PPP1R1C: variants seen among roughly 807,000 people sequenced by gnomAD.
The protein encoded by PPP1R1C is protein phosphatase 1 regulatory subunit 1C.
In PPP1R1C, 15 loss-of-function variants were observed where a neutral mutation model predicts 17.4. The observed-to-expected ratio is 0.86, with a 90% confidence interval of 0.58 to 1.33. PPP1R1C has a LOEUF of 1.33. Ranked by LOEUF, PPP1R1C falls within the 40% of genes most tolerant of loss-of-function variation. The pLI, the probability that PPP1R1C is intolerant of heterozygous loss-of-function variation, is 0.00. For missense variants in PPP1R1C, 143 were observed against 130.0 expected (o/e 1.10, Z -0.48); for synonymous variants, 35 against 43.1 (o/e 0.81, Z 0.73).
chr2:182,002,807 A>G (rs1286608456), intron 2 of PPP1R1C, among the ~76,000 whole-genome samples: 1 of 151,988 alleles, frequency 6.6e-6, no homozygotes, highest in African/African-American at 2.4e-5. Flanking sequence ...AACATTTGAG[A>G]GCAGAAAGAT....
chr2:182,000,971 G>A (rs970996722), intron 2 of PPP1R1C, among the ~76,000 whole-genome samples: 1 of 152,174 alleles, frequency 6.6e-6, no homozygotes, highest in Admixed American at 6.5e-5. Context: ...AACCCTCACT[G>A]TGGAAGGAAA....
In PPP1R1C at chr2:181,998,370, G is replaced by T. The variant is rs1389202929; in HGVS notation, c.142+10471G>T. Among the ~76,000 whole-genome samples, 5 of 152,270 alleles carry T rather than the reference G, an allele frequency of 3.3e-5. No individual in the cohort carries two copies. The East Asian group carries it at 9.6e-4, about 29-fold the overall frequency. ...CTATGGCAGCTTTACTTTCATAATTGATTTGTCATAAGCTCTAATTTGTAT... is the reference window on the plus strand; with the variant it reads ...CTATGGCAGCTTTACTTTCATAATTTATTTGTCATAAGCTCTAATTTGTAT... On this transcript the variant is annotated intron_variant, in intron 2 of 4. Coordinates refer to ENST00000682840, the MANE Select transcript of PPP1R1C (RefSeq NM_001080545.3).
Position 182,101,714 on chromosome 2 carries a change from G to C in PPP1R1C, c.242-15493G>C, listed in dbSNP as rs140757387. ...TGTACGTGTGCATATATGTGTGCTG[G>C]GAGCCAGGTGGACTGCCTTTTAAAT... is the stretch of plus-strand genomic sequence containing the variant. On this transcript the variant is annotated intron_variant, in intron 4 of 4. Transcript: ENST00000682840. Among the ~76,000 whole-genome samples the C allele has an allele frequency of 8.3e-4, 126 of 152,286 alleles. No individual in the cohort carries two copies. In the East Asian group the frequency reaches 0.023, roughly 28 times the overall value.
exon 6 of PPP1R1C, chr2:182,129,230 G>A (rs533360860): frequency 1.6e-4 from 25 of 152,096 alleles, no homozygotes; most frequent in Middle Eastern, 3.4e-3. Context: ...CCTTCCCTTT[G>A]GTTTTAGTTT....
chr2:181,980,772 A>G (rs1238806363), intron 2 of PPP1R1C, among the ~76,000 whole-genome samples: 2 of 152,030 alleles, frequency 1.3e-5, no homozygotes, highest in Admixed American at 1.3e-4. Flanking sequence ...ATGGTTAGAG[A>G]AAAAAAATAC....
intron 2 of PPP1R1C, among the ~76,000 whole-genome samples, chr2:182,014,233 C>T (rs986847114): frequency 2.6e-5 from 4 of 152,178 alleles, no homozygotes; most frequent in African/African-American, 4.8e-5. Context: ...TACCTGGTCA[C>T]TGTAGCTGTA....
At chr2:181,964,630 G>T (rs1257734266) in intron 1 of PPP1R1C, among the ~76,000 whole-genome samples, 2 of 152,068 alleles carry the variant, frequency 1.3e-5, no homozygotes, top group Non-Finnish European at 2.9e-5. Flanking sequence ...AATAGGATTT[G>T]TTATTATCTG....
rs1272129064 is a variant in PPP1R1C, at chr2:181,957,520, G to A, written n.111+2886G>A. ...CCCTTTAACTTACTGAATCATAACA[G>A]ACATTCATTCCATTGTTTATACGTA... is the stretch of plus-strand genomic sequence containing the variant. On this transcript the variant is annotated intron_variant and non_coding_transcript_variant, in intron 1 of 5. Transcript: ENST00000464264. The surrounding 1 kb of genome is among the most constrained non-coding windows in gnomAD (Gnocchi z 4.2). Among the ~76,000 whole-genome samples the A allele has an allele frequency of 6.6e-6, 1 of 152,094 alleles. No individual in the cohort carries two copies. The highest frequency in any genetic ancestry group is 1.5e-5 in the Non-Finnish European group (1 of 68,016).
At position 181,976,516 on chromosome 2, in the gene PPP1R1C, A is replaced by G. The variant is rs1685093512; in HGVS notation, n.157+1252A>G. 6.6e-6 allele frequency among the ~76,000 whole-genome samples: 1 copy of G among 152,190 alleles called. No homozygotes were observed. The highest frequency in any genetic ancestry group is 2.4e-5 in the African/African-American group (1 of 41,462). On this transcript the variant is annotated intron_variant and non_coding_transcript_variant, in intron 2 of 5. Coordinates refer to the PPP1R1C transcript ENST00000464264. The surrounding 1 kb of genome is among the most constrained non-coding windows in gnomAD (Gnocchi z 4.8). ...ATCGTTGAGTAAGAGGATCATACCT[A>G]TAATCTCCTACAAAGGCTACTGGCC...
chr2:182,082,223 C>A (rs13395225), intron 4 of PPP1R1C, among the ~76,000 whole-genome samples: 34,469 of 152,010 alleles, frequency 0.23, 4,221 homozygotes, highest in African/African-American at 0.32. Context: ...CATAAAGCAA[C>A]AGATGAATGC....
In PPP1R1C at chr2:182,076,181, C is replaced by CTTTTTTT. The variant is rs1319925818; in HGVS notation, c.241+12394_241+12400dup. On this transcript the variant is annotated intron_variant, in intron 4 of 4. Coordinates refer to ENST00000682840, the MANE Select transcript of PPP1R1C (RefSeq NM_001080545.3). ...TTATCTATAAATCAAGGATTTTGAA[C>CTTTTTTT]TTTTTTTTTTCTTTTCTTTTTTTTT... Among the ~76,000 whole-genome samples, 6 of 47,484 alleles carry CTTTTTTT rather than the reference C, an allele frequency of 1.3e-4. 1 individual carries two copies. Among genetic ancestry groups the CTTTTTTT allele is most frequent in the African/African-American group, 5.2e-4 (6 of 11,568 alleles). The allele number at this position is 47,484 out of a possible 152,430, so 31.2% of individuals were successfully genotyped here.
chr2:182,087,511 T>A lies in PPP1R1C; in HGVS notation c.241+23720T>A, dbSNP rs1385715946. Among the ~76,000 whole-genome samples the A allele has an allele frequency of 2.0e-5, 3 of 152,236 alleles. No homozygotes were observed. The East Asian group carries it at 5.8e-4, about 29-fold the overall frequency. On this transcript the variant is annotated intron_variant, in intron 4 of 4. Coordinates refer to ENST00000682840, the MANE Select transcript of PPP1R1C (RefSeq NM_001080545.3). ...ACATATGATGCTTAATATCTGGACT[T>A]TCCCACTAAAAATAAACTCCATAAG...
chr2:182,095,962 A>T (rs779430926), intron 4 of PPP1R1C, among the ~76,000 whole-genome samples: 21 of 151,550 alleles, frequency 1.4e-4, no homozygotes, highest in Non-Finnish European at 2.5e-4. Flanking sequence ...GCAACAGAGC[A>T]GGACTCTGTC....
At chr2:182,077,474 G>T (rs1376449559) in intron 4 of PPP1R1C, among the ~76,000 whole-genome samples, 1 of 152,068 alleles carries the variant, frequency 6.6e-6, no homozygotes, top group Non-Finnish European at 1.5e-5. Flanking sequence ...TTACTTATAA[G>T]GCCAAACCAA....
At chr2:181,958,672 A>G (rs1453252745) in intron 1 of PPP1R1C, among the ~76,000 whole-genome samples, 1 of 152,202 alleles carries the variant, frequency 6.6e-6, no homozygotes, top group East Asian at 1.9e-4. Flanking sequence ...TGAAAAGGTA[A>G]TCAGTACTCT....
chr2:182,060,991 A>G (rs1687833012), intron 2 of PPP1R1C, among the ~76,000 whole-genome samples: 1 of 152,132 alleles, frequency 6.6e-6, no homozygotes, highest in Non-Finnish European at 1.5e-5. Flanking sequence ...TATAGAGAGG[A>G]TACTGCCTTC....
chr2:182,130,603 T>G (rs1689985875), downstream of PPP1R1C: 1 of 152,216 alleles, frequency 6.6e-6, no homozygotes, highest in South Asian at 2.1e-4. Flanking sequence ...TTCTTTATTG[T>G]TTACAGATAC....
At chr2:182,063,224 T>C (rs1687896033) in intron 3 of PPP1R1C, among the ~76,000 whole-genome samples, 1 of 152,010 alleles carries the variant, frequency 6.6e-6, no homozygotes, top group South Asian at 2.1e-4. Context: ...CTCAACATTA[T>C]AATTCCAAGT....
intron 2 of PPP1R1C, among the ~76,000 whole-genome samples, chr2:182,035,385 G>T (rs1574398703): frequency 6.6e-6 from 1 of 152,232 alleles, no homozygotes; most frequent in South Asian, 2.1e-4. Context: ...AACAAATCAT[G>T]TAAGTGCCTT....
Sources: gnomAD v4.1 joint callset for allele counts (sites outside exome capture counted in the v4.1 genomes callset) on GRCh38, gnomAD v4.1.1 for gene constraint, Gnocchi (gnomAD v3.1) non-coding constraint, MANE v1.5 for transcripts, NCBI Gene and HGNC (gene_info 2026-07-23, HGNC 2026-07-21) for gene names.